Variants in ANKFN1 observed in about 807,000 individuals in gnomAD.
The protein encoded by ANKFN1 is ankyrin repeat and fibronectin type-III domain-containing protein 1.
A neutral mutation model predicts 108.7 loss-of-function variants in ANKFN1; 74 were observed. The ratio of observed to expected loss-of-function variants is 0.68; its 90% CI spans 0.56 to 0.83. The LOEUF is 0.83. ANKFN1 is among the 40% of genes least tolerant of loss of function. The pLI is 0.00. For missense variants in ANKFN1, 1,505 were observed against 1,382.3 expected (o/e 1.09, Z -1.41); for synonymous variants, 547 against 516.2 (o/e 1.06, Z -0.81).
chr17:56,443,322 C>T (rs536121753), intron 10 of ANKFN1, among the ~76,000 whole-genome samples: 1 of 152,246 alleles, frequency 6.6e-6, no homozygotes, highest in East Asian at 1.9e-4. Context: ...GTTAAGATCG[C>T]ACCACTGCAC....
At chr17:56,153,594 C>T in intron 1 of ANKFN1, 64 bp downstream of exon 1, 1 of 1,595,726 alleles carries the variant, frequency 6.3e-7, no homozygotes, top group African/African-American at 1.3e-5. Flanking sequence ...TTGCATTCAA[C>T]AGGCAGGAAA....
intron 3 of ANKFN1, among the ~76,000 whole-genome samples, chr17:56,314,552 A>G (rs1177756096): frequency 6.6e-6 from 1 of 152,162 alleles, no homozygotes; most frequent in Admixed American, 6.5e-5. Flanking sequence ...TATATCTTCT[A>G]TTGTAATATG....
At chr17:56,056,264 T>C (rs1239186017) in intron 4 of ANKFN1, among the ~76,000 whole-genome samples, 1 of 151,824 alleles carries the variant, frequency 6.6e-6, no homozygotes, top group Admixed American at 6.6e-5. Flanking sequence ...ACTCTACAGA[T>C]TAACACAATC....
chr17:56,088,428 G>A (rs1401731592), intron 4 of ANKFN1, among the ~76,000 whole-genome samples: 2 of 151,316 alleles, frequency 1.3e-5, no homozygotes, highest in African/African-American at 4.9e-5. Flanking sequence ...ATGGCTGGTG[G>A]CTCCAGTGTG....
At chr17:56,450,031 A>G (rs1334064166) in intron 11 of ANKFN1, among the ~76,000 whole-genome samples, 1 of 152,176 alleles carries the variant, frequency 6.6e-6, no homozygotes, top group African/African-American at 2.4e-5. Flanking sequence ...ACTTAGTTTT[A>G]TTTGGAGAAT....
At chr17:56,098,156 G>C (rs1905568569) in intron 4 of ANKFN1, among the ~76,000 whole-genome samples, 1 of 152,118 alleles carries the variant, frequency 6.6e-6, no homozygotes, top group Non-Finnish European at 1.5e-5. Flanking sequence ...ACAGCTGCCA[G>C]AAGCTGGAAA....
chr17:56,047,764 C>T (rs536887509), intron 4 of ANKFN1, among the ~76,000 whole-genome samples: 18 of 152,238 alleles, frequency 1.2e-4, no homozygotes, highest in African/African-American at 4.3e-4. Context: ...TCCAAGTGGA[C>T]AGGGCTCAAT....
chr17:56,374,773 G>GA, intron 8 of ANKFN1, 59 bp downstream of exon 8: 5 of 1,326,492 alleles, frequency 3.8e-6, no homozygotes, highest in Non-Finnish European at 5.4e-6. Context: ...TGCTGTTTGA[G>GA]AATCAATAGT....
chr17:56,390,837 A>C (rs1886998298), intron 8 of ANKFN1, among the ~76,000 whole-genome samples: 1 of 152,074 alleles, frequency 6.6e-6, no homozygotes, highest in Non-Finnish European at 1.5e-5. Context: ...TGGCCACATA[A>C]ATGTCTTCAG....
chr17:56,230,963 T>G (rs765200354), intron 3 of ANKFN1, among the ~76,000 whole-genome samples: 10 of 152,074 alleles, frequency 6.6e-5, no homozygotes, highest in Non-Finnish European at 1.0e-4. Flanking sequence ...GTTAATGAAA[T>G]AAGTCAGAAA....
intron 1 of ANKFN1, among the ~76,000 whole-genome samples, chr17:56,189,727 A>G (rs8070779): frequency 0.74 from 112,110 of 152,050 alleles, 42,326 homozygotes; most frequent in East Asian, 0.94. Flanking sequence ...CACAGGTTTC[A>G]GATATTAGGA....
At chr17:56,265,277 A>C (rs2043619171) in intron 3 of ANKFN1, among the ~76,000 whole-genome samples, 1 of 152,310 alleles carries the variant, frequency 6.6e-6, no homozygotes, top group East Asian at 1.9e-4. Context: ...GAGAGGACTC[A>C]GGAAACTTAC....
upstream of ANKFN1, among the ~76,000 whole-genome samples, chr17:56,151,206 C>T (rs947597248): frequency 5.9e-5 from 9 of 152,310 alleles, no homozygotes; most frequent in African/African-American, 1.9e-4. Context: ...GCACCTAACA[C>T]CCTCTACCTG....
intron 4 of ANKFN1, among the ~76,000 whole-genome samples, chr17:56,111,317 C>CT (rs1905948195): frequency 6.6e-6 from 1 of 152,154 alleles, no homozygotes; most frequent in African/African-American, 2.4e-5. Context: ...ATCAGATGCT[C>CT]ATTGCATCTT....
chr17:56,097,539 A>G (rs1231424607), intron 4 of ANKFN1, among the ~76,000 whole-genome samples: 1 of 152,242 alleles, frequency 6.6e-6, no homozygotes, highest in East Asian at 1.9e-4. Flanking sequence ...TTCTAGGCTT[A>G]TCTGCACATC....
intron 2 of ANKFN1, among the ~76,000 whole-genome samples, chr17:56,218,607 A>C (rs1472845100): frequency 6.6e-6 from 1 of 152,018 alleles, no homozygotes; most frequent in Non-Finnish European, 1.5e-5. Context: ...TTCTTGCCCA[A>C]CACCTAATCA....
In ANKFN1 at chr17:56,499,041, G is replaced by A. The variant is rs61753934; in HGVS notation, c.2587G>A (p.Asp863Asn). 2.6e-6 allele frequency: 4 copies of A among 1,535,542 alleles called. No homozygotes were observed. The highest frequency in any genetic ancestry group is 2.7e-5 in the African/African-American group (2 of 72,950). Reference protein sequence around the residue: ...KINSTSSSHIDCLPSPPPSPE... With the variant: ...KINSTSSSHINCLPSPPPSPE... ...CAATTCTACATCATCATCACATATA[G>A]ACTGTCTTCCATCCCCACCCCCATC... is the stretch of plus-strand genomic sequence containing the variant. Residue 863 changes from aspartate (D) to asparagine (N), a missense_variant, in exon 20 of 21, where the codon GAC becomes AAC. Coordinates refer to ENST00000682825, the MANE Select transcript of ANKFN1 (RefSeq NM_001370326.1).
chr17:56,340,753 T>C (rs2045939375), intron 4 of ANKFN1, among the ~76,000 whole-genome samples: 1 of 152,156 alleles, frequency 6.6e-6, no homozygotes, highest in Admixed American at 6.6e-5. Flanking sequence ...TCCAGCTTTG[T>C]TCTTTTTGCT....
chr17:56,465,082 C>A (rs554208553), intron 14 of ANKFN1, among the ~76,000 whole-genome samples: 242 of 152,212 alleles, frequency 1.6e-3, no homozygotes, highest in African/African-American at 5.6e-3. Context: ...CAAATCAGGG[C>A]TTTCTTTTCT....
Sources: gnomAD v4.1 joint callset for allele counts (sites outside exome capture counted in the v4.1 genomes callset) on GRCh38, gnomAD v4.1.1 for gene constraint, MANE v1.5 for transcripts, NCBI Gene and HGNC (gene_info 2026-07-23, HGNC 2026-07-21) for gene names.